TTC39B: variants seen among roughly 807,000 people sequenced by gnomAD.
The protein encoded by TTC39B is tetratricopeptide repeat domain 39B.
A neutral mutation model predicts 96.6 loss-of-function variants in TTC39B; 92 were observed. The observed-to-expected ratio is 0.95, with a 90% CI of 0.80 to 1.13. The LOEUF is 1.13. TTC39B is among the 50% of genes most tolerant of loss of function. TTC39B has a pLI of 0.00. For synonymous variants in TTC39B, 367 were observed against 299.4 expected, an observed-to-expected ratio of 1.23 and a Z score of -2.33; for missense variants, 955 against 809.3, an observed-to-expected ratio of 1.18 and a Z score of -2.18.
At chr9:15,233,392 C>T (rs530518687) in intron 2 of TTC39B, among the ~76,000 whole-genome samples, 1 of 152,282 alleles carries the variant, frequency 6.6e-6, no homozygotes, top group Admixed American at 6.5e-5. Flanking sequence ...TCCACGGTCT[C>T]CCTCTGATGC....
At chr9:15,190,510 C>T (rs780714090) in intron 11 of TTC39B, 44 bp downstream of exon 11, 6 of 1,563,266 alleles carry the variant, frequency 3.8e-6, no homozygotes, top group Non-Finnish European at 5.3e-6. Flanking sequence ...CATGTCTGGC[C>T]AAGACAATCA....
At chr9:15,294,641 G>C (rs2131608790) in intron 1 of TTC39B, among the ~76,000 whole-genome samples, 1 of 152,334 alleles carries the variant, frequency 6.6e-6, no homozygotes, top group African/African-American at 2.4e-5. Context: ...CTCAGGAAAG[G>C]AAAGGAAAGG....
chr9:15,204,634 G>T (rs962628947), intron 6 of TTC39B, among the ~76,000 whole-genome samples: 2 of 152,084 alleles, frequency 1.3e-5, no homozygotes, highest in Admixed American at 1.3e-4. Flanking sequence ...TGGTAACCAT[G>T]ACACTAACCA....
intron 1 of TTC39B, among the ~76,000 whole-genome samples, chr9:15,296,766 G>A (rs1015459126): frequency 1.2e-4 from 19 of 152,130 alleles, no homozygotes; most frequent in African/African-American, 3.9e-4. Context: ...CAAAGTGCTG[G>A]GATTACAGAC....
At chr9:15,221,489 C>T (rs1359676843) in intron 3 of TTC39B, among the ~76,000 whole-genome samples, 1 of 152,034 alleles carries the variant, frequency 6.6e-6, no homozygotes, top group Non-Finnish European at 1.5e-5. Context: ...CAATTCTTTA[C>T]TTTCTGGCAC....
At chr9:15,276,847 C>T (rs1290459818) in intron 1 of TTC39B, among the ~76,000 whole-genome samples, 2 of 152,068 alleles carry the variant, frequency 1.3e-5, no homozygotes, top group Non-Finnish European at 1.5e-5. Flanking sequence ...AGAACAGGTC[C>T]GACTTAAAAC....
At chr9:15,228,701 C>G (rs1232105507) in intron 2 of TTC39B, among the ~76,000 whole-genome samples, 2 of 152,192 alleles carry the variant, frequency 1.3e-5, no homozygotes, top group Non-Finnish European at 2.9e-5. Flanking sequence ...AAGTAGAACA[C>G]TGAACTGCTT....
Position 15,191,268 on chromosome 9 carries a change from A to G in TTC39B, c.931-13T>C. On this transcript the variant is annotated splice_polypyrimidine_tract_variant and intron_variant, in intron 9 of 19. Coordinates refer to ENST00000512701, the Ensembl canonical transcript of TTC39B. ...AAAGGGACAGCATCTGTAAGAAAAA[A>G]ATATACAGTGTACTTATGTGTTAGT... The G allele has an allele frequency of 1.3e-6, 2 of 1,586,160 alleles. No homozygotes were observed. Among genetic ancestry groups the G allele is most frequent in the Non-Finnish European group, 1.7e-6 (2 of 1,157,910 alleles).
At chr9:15,289,789 C>A (rs1469014312) in intron 1 of TTC39B, among the ~76,000 whole-genome samples, 1 of 152,190 alleles carries the variant, frequency 6.6e-6, no homozygotes, top group African/African-American at 2.4e-5. Context: ...GGAACCTAAA[C>A]ATGTTGGACA....
intron 18 of TTC39B, 21 bp from the exon 19 acceptor site, chr9:15,175,156 C>G: frequency 6.6e-7 from 1 of 1,506,244 alleles, no homozygotes; most frequent in Non-Finnish European, 9.2e-7. Flanking sequence ...AGAGGAAAAT[C>G]AAGTAAATCT....
chr9:15,287,455 T>C (rs527996646), intron 1 of TTC39B, among the ~76,000 whole-genome samples: 2 of 152,350 alleles, frequency 1.3e-5, no homozygotes, highest in Admixed American at 6.5e-5. Context: ...GAATGCTTTG[T>C]GGTCTTTAAC....
intron 1 of TTC39B, among the ~76,000 whole-genome samples, chr9:15,279,919 G>A (rs765919229): frequency 1.1e-4 from 13 of 123,380 alleles, no homozygotes; most frequent in East Asian, 2.3e-4. Flanking sequence ...TTTTTGAGAC[G>A]GAGTCTCACT....
At chr9:15,229,588 C>G (rs1231190906) in intron 2 of TTC39B, among the ~76,000 whole-genome samples, 2 of 152,150 alleles carry the variant, frequency 1.3e-5, no homozygotes, top group African/African-American at 4.8e-5. Context: ...ATGCTGTTAC[C>G]AGGTTTACCA....
chr9:15,285,192 C>G (rs1240966627), intron 1 of TTC39B, among the ~76,000 whole-genome samples: 1 of 151,720 alleles, frequency 6.6e-6, no homozygotes, highest in Non-Finnish European at 1.5e-5. Flanking sequence ...TGGCGTGAAC[C>G]CGGGAGGCGG....
intron 1 of TTC39B, among the ~76,000 whole-genome samples, chr9:15,285,233 C>T (rs1823921050): frequency 1.3e-5 from 2 of 150,724 alleles, no homozygotes; most frequent in South Asian, 4.2e-4. Flanking sequence ...CACGCCACTG[C>T]ACTCCAGCCT....
intron 1 of TTC39B, among the ~76,000 whole-genome samples, chr9:15,290,622 C>A (rs139651597): frequency 6.6e-6 from 1 of 152,218 alleles, no homozygotes; most frequent in Non-Finnish European, 1.5e-5. Flanking sequence ...CTTTGTTTTA[C>A]GTAAAATGCA....
intron 1 of TTC39B, among the ~76,000 whole-genome samples, chr9:15,283,542 A>G (rs1358402158): frequency 1.8e-5 from 2 of 109,210 alleles, no homozygotes. Context: ...CTTTTTACAT[A>G]CAGAGAACTC....
intron 17 of TTC39B, among the ~76,000 whole-genome samples, chr9:15,178,015 G>T (rs1198128460): frequency 6.6e-6 from 1 of 151,646 alleles, no homozygotes; most frequent in South Asian, 2.1e-4. Flanking sequence ...GACTACAGGT[G>T]CCCACCACCA....
intron 2 of TTC39B, among the ~76,000 whole-genome samples, chr9:15,239,917 T>G (rs1020845992): frequency 2.0e-5 from 3 of 152,100 alleles, no homozygotes; most frequent in Non-Finnish European, 2.9e-5. Context: ...ACTTTAAAAA[T>G]AAAAAATGGT....
Sources: allele counts gnomAD v4.1 joint callset (sites outside exome capture counted in the v4.1 genomes callset), GRCh38; gene constraint gnomAD v4.1.1; transcripts MANE v1.5; gene names NCBI Gene and HGNC (gene_info 2026-07-23, HGNC 2026-07-21).